Variants in OBSL1 observed in about 807,000 individuals in gnomAD.
The protein encoded by OBSL1 is obscurin like cytoskeletal adaptor 1.
In OBSL1, 160 loss-of-function variants were observed where a neutral mutation model predicts 172.0. The observed-to-expected ratio is 0.93, with a 90% CI of 0.82 to 1.06. The LOEUF (loss-of-function observed/expected upper bound fraction) is 1.06. OBSL1 is among the 50% of genes least tolerant of loss of function. The pLI, the probability that OBSL1 is intolerant of heterozygous loss-of-function variation, is 0.00. For missense variants in OBSL1, 2,681 were observed against 2,715.4 expected (o/e 0.99, Z 0.28); for synonymous variants, 1,200 against 1,196.3 (o/e 1.00, Z -0.06).
At chr2:219,551,175 G>A (rs764773043) in intron 20 of OBSL1, 4 of 1,388,896 alleles carry the variant, frequency 2.9e-6, no homozygotes, top group South Asian at 3.3e-5. Context: ...GGAAGGAGGA[G>A]GGACAGGCTG....
chr2:219,552,690 A>T lies in OBSL1; in HGVS notation c.5154T>A (p.Thr1718=). 6.5e-7 allele frequency: 1 copy of T among 1,529,082 alleles called. No individual in the cohort carries two copies. The allele number at this position is 1,529,082 out of a possible 1,614,324, so 94.7% of individuals were successfully genotyped here. ...ACCGCAGCTCGGAGAGTACCGCCAC[A>T]GTACGCTCTGGGGCGGAGCCCGGGG... ...GPVRLTVRER[T]VAVLSELRSV... Residue 1718 remains threonine (T), a synonymous_variant, in exon 18 of 21, where the codon ACT becomes ACA. Transcript: ENST00000404537.
chr2:219,571,282 G>C lies in OBSL1; in HGVS notation c.-50C>G. The C allele has an allele frequency of 1.9e-6, 2 of 1,028,178 alleles. No homozygotes were observed. Among genetic ancestry groups the C allele is most frequent in the Middle Eastern group, 3.7e-4 (1 of 2,724 alleles). The allele number at this position is 1,028,178 out of a possible 1,614,324, so 63.7% of individuals were successfully genotyped here. A position where few individuals can be genotyped will look rare whatever the true frequency, so the allele number is the denominator to read the frequency against. ...GCGAACGGTGGGGGGGCAGGGGGGG[G>C]TGCGGAGGGCGAGCCGAGGCCCGGG... On this transcript the variant is annotated 5_prime_UTR_variant, in exon 1 of 21. Coordinates refer to ENST00000404537, the MANE Select transcript of OBSL1 (RefSeq NM_015311.3).
At chr2:219,551,455 C>T (rs894514385) in intron 20 of OBSL1, 74 bp downstream of exon 20, 14 of 1,474,320 alleles carry the variant, frequency 9.5e-6, no homozygotes, top group Middle Eastern at 2.3e-4. Context: ...GGAAAGCCTC[C>T]CATAGGTGTG....
chr2:219,549,078 G>C, downstream of OBSL1: 1 of 1,551,028 alleles, frequency 6.4e-7, no homozygotes, highest in Non-Finnish European at 8.9e-7. Context: ...CCACAGGTGG[G>C]ATGAGAGAGG....
rs762892113 is a variant in OBSL1, at chr2:219,557,542, C to A, written c.3867G>T (p.Leu1289=). The A allele has an allele frequency of 6.4e-7, 1 of 1,553,516 alleles. No homozygotes were observed. The highest frequency in any genetic ancestry group is 2.4e-5 in the East Asian group (1 of 41,116). Reference sequence around the variant, plus strand: ...CCCCTGGCCCGGAGAGGTGCACCACCAGCTCTAGGTCCCCGCCTGGGGTGC... The same window carrying A: ...CCCCTGGCCCGGAGAGGTGCACCACAAGCTCTAGGTCCCCGCCTGGGGTGC... ...VRSTPGGDLE[L]VVHLSGPGGP... The change falls in exon 12 of 21, where the codon CTG becomes CTT. Residue 1289 remains leucine (L), a synonymous_variant. Transcript: ENST00000404537.
At chr2:219,554,268 G>T (rs1695840651) in intron 15 of OBSL1, 7 of 635,578 alleles carry the variant, frequency 1.1e-5, no homozygotes, top group Admixed American at 8.7e-5. Flanking sequence ...GCCTTGGGCA[G>T]TCAGGGGCCA....
intron 15 of OBSL1, 25 bp downstream of exon 15, chr2:219,554,449 C>T (rs1236715828): frequency 1.9e-6 from 3 of 1,609,418 alleles, no homozygotes; most frequent in Non-Finnish European, 2.5e-6. Context: ...GGTCAGCAGG[C>T]AGGCTGTGGT....
chr2:219,553,219 A>G (rs1419271301), intron 16 of OBSL1, among the ~76,000 whole-genome samples, 195 bp from the exon 17 acceptor site: 5 of 151,944 alleles, frequency 3.3e-5, no homozygotes, highest in Admixed American at 3.3e-4. Context: ...AAAAAGCGTC[A>G]CCCTTTGGGG....
intron 11 of OBSL1, 23 bp from the exon 12 acceptor site, chr2:219,557,641 C>T: frequency 6.6e-7 from 1 of 1,517,614 alleles, no homozygotes; most frequent in South Asian, 1.3e-5. Flanking sequence ...AGCTGGAGGT[C>T]ACTGGGAGGG....
chr2:219,547,714 C>T (rs147518093), downstream of OBSL1: 956 of 1,578,836 alleles, frequency 6.1e-4, 6 homozygotes, highest in African/African-American at 0.01. Flanking sequence ...GGCTGCTGCT[C>T]GGCCTGCTGC....
chr2:219,566,965 C>A lies in OBSL1; in HGVS notation c.1999G>T (p.Ala667Ser). 1 of 1,613,786 alleles carries A rather than the reference C, an allele frequency of 6.2e-7. No individual in the cohort carries two copies. The highest frequency in any genetic ancestry group is 1.3e-5 in the African/African-American group (1 of 75,052). Reference sequence around the variant, plus strand: ...TTCTGCTCTATACGGTACCGCAGGGCCCCAGGTTCCACCTGGCCCTCCGGC... The same window carrying A: ...TTCTGCTCTATACGGTACCGCAGGGACCCAGGTTCCACCTGGCCCTCCGGC... The part of the protein sequence containing the change: ...NEPEGQVEPG[A>S]LRYRIEQKGL... The change falls in exon 5 of 21, where the codon GCC becomes TCC. Residue 667 changes from alanine (A) to serine (S), a missense_variant. This residue lies in a region of OBSL1 where 1,765 missense variants were observed against 1,748.3 expected (regional missense o/e 1.01). Transcript: ENST00000404537.
Position 219,554,621 on chromosome 2 carries a change from C to T in OBSL1, c.4729G>A (p.Val1577Ile), listed in dbSNP as rs1432415891. ...CACTTGGGTCCTGGATACAGCTGTACTCCACCCCGGGCCCACTCCCCGGTC... is the reference window on the plus strand; with the variant it reads ...CACTTGGGTCCTGGATACAGCTGTATTCCACCCCGGGCCCACTCCCCGGTC... ...GVTGEWARGG[V>I]QLYPGPKCHI... The change falls in exon 15 of 21, where the codon GTA (valine) becomes ATA (isoleucine). Residue 1577 changes from valine (V) to isoleucine (I), a missense_variant. Physicochemically the swap from Val to Ile is conservative, Grantham distance 29 (BLOSUM62 3). Around this residue, in one of 5 missense-constraint regions of OBSL1, gnomAD observed 1,765 missense variants for 1,748.3 expected, o/e 1.01. Coordinates refer to ENST00000404537, the MANE Select transcript of OBSL1 (RefSeq NM_015311.3). 1 of 1,612,394 alleles carries T rather than the reference C, an allele frequency of 6.2e-7. No individual in the cohort carries two copies. The highest frequency in any genetic ancestry group is 1.3e-5 in the African/African-American group (1 of 75,038).
chr2:219,557,747 A>G, intron 11 of OBSL1, 76 bp downstream of exon 11: 1 of 1,546,380 alleles, frequency 6.5e-7, no homozygotes, highest in Non-Finnish European at 8.7e-7. Flanking sequence ...CTGGAAAAGC[A>G]GGAATCCCGC....
At chr2:219,548,300 G>C (rs1695437446), downstream of OBSL1, among the ~76,000 whole-genome samples, 1 of 152,260 alleles carries the variant, frequency 6.6e-6, no homozygotes, top group Non-Finnish European at 1.5e-5. Flanking sequence ...CCAGGCACCA[G>C]GGATACAGCA....
Position 219,553,556 on chromosome 2 carries a change from C to T in OBSL1, c.4989+18G>A, listed in dbSNP as rs1695786576. 1 of 1,590,402 alleles carries T rather than the reference C, an allele frequency of 6.3e-7. No individual in the cohort carries two copies. The highest frequency in any genetic ancestry group is 8.6e-7 in the Non-Finnish European group (1 of 1,160,150). The stretch of plus-strand genomic sequence containing the variant: ...TGGTGTTACACTGAAGTGGGCTTGG[C>T]TGGGGCTGGGATCTGACCTTCTCCC... On this transcript the variant is annotated intron_variant, in intron 16 of 20. Transcript: ENST00000404537.
In OBSL1 at chr2:219,563,171, T is replaced by G. The variant is rs1367458820; in HGVS notation, c.2680+184A>C. On this transcript the variant is annotated intron_variant, in intron 7 of 20. Transcript: ENST00000404537. The stretch of plus-strand genomic sequence containing the variant: ...CTTCCTTAGCCAAGACCAATGTGCT[T>G]ATGATAACACGTTTCCTGAATGTGA... 4.8e-6 allele frequency: 3 copies of G among 620,454 alleles called. No individual in the cohort carries two copies. The African/African-American group carries it at 5.5e-5, about 11-fold the overall frequency. 38.4% of individuals were successfully genotyped at this position (620,454 alleles called of 1,614,324 possible).
At chr2:219,564,616 A>T (rs947045162) in intron 6 of OBSL1, among the ~76,000 whole-genome samples, 2 of 152,232 alleles carry the variant, frequency 1.3e-5, no homozygotes, top group African/African-American at 4.8e-5. Flanking sequence ...CTATGTGGAC[A>T]GCGAGACAGT....
chr2:219,570,909 G>A lies in OBSL1; in HGVS notation c.324C>T (p.Asp108=). 7.6e-7 allele frequency: 1 copy of A among 1,313,870 alleles called. No homozygotes were observed. Among genetic ancestry groups the A allele is most frequent in the Non-Finnish European group, 9.6e-7 (1 of 1,040,448 alleles). 81.4% of individuals were successfully genotyped at this position (1,313,870 alleles called of 1,614,324 possible). A position where few individuals can be genotyped will look rare whatever the true frequency, so the allele number is the denominator to read the frequency against. Residue 108 remains aspartate (D), a synonymous_variant, in exon 1 of 21, where the codon GAC becomes GAT. Transcript: ENST00000404537. The part of the protein sequence containing the change: ...AVTVLEPPAS[D]PELQPAERPL... ...GGCGCTCGGCGGGCTGCAGCTCGGGGTCGGAGGCCGGCGGCTCCAGCACGG... is the reference window on the plus strand; with the variant it reads ...GGCGCTCGGCGGGCTGCAGCTCGGGATCGGAGGCCGGCGGCTCCAGCACGG...
In OBSL1 at chr2:219,552,183, C is replaced by T. The variant is rs1439200234; in HGVS notation, c.5342G>A (p.Arg1781His). 2 of 1,610,448 alleles carry T rather than the reference C, an allele frequency of 1.2e-6. No individual in the cohort carries two copies. Residue 1781 changes from arginine (R) to histidine (H), a missense_variant, in exon 19 of 21, where the codon CGC becomes CAC. This residue lies in a region of OBSL1 where 1,765 missense variants were observed against 1,748.3 expected (regional missense o/e 1.01). Transcript: ENST00000404537. ...KKHILVLSEL[R>H]AEDAGEVRFQ... ...GCGGACTTCACCGGCGTCCTCGGCG[C>T]GCAGCTCGCTAAGCACCAGAATGTG...
Sources: gnomAD v4.1 joint callset for allele counts (sites outside exome capture counted in the v4.1 genomes callset) on GRCh38, gnomAD v4.1.1 for gene constraint, gnomAD v4.1.1 regional missense constraint, MANE v1.5 for transcripts, NCBI Gene and HGNC (gene_info 2026-07-23, HGNC 2026-07-21) for gene names.